The following IPO8 variants were observed in gnomAD, a reference collection of about 807,000 sequenced individuals.
The protein encoded by IPO8 is importin-8.
IPO8 carries 65 observed loss-of-function variants against 141.2 expected under a neutral mutation model. That is an observed-to-expected ratio of 0.46 (90% confidence interval 0.38 to 0.57). The LOEUF (loss-of-function observed/expected upper bound fraction) is 0.57, where lower values mean the gene tolerates loss of function less well. Ranked by LOEUF, IPO8 falls within the 20% of genes least tolerant of loss-of-function variation. The pLI is 0.00. For synonymous variants in IPO8, 411 were observed against 420.3 expected, an observed-to-expected ratio of 0.98 and a Z score of 0.27; for missense variants, 980 against 1,246.8, an observed-to-expected ratio of 0.79 and a Z score of 3.22.
At chr12:30,671,679 A>G (rs1416374125) in intron 8 of IPO8, among the ~76,000 whole-genome samples, 40 of 148,734 alleles carry the variant, frequency 2.7e-4, no homozygotes, top group East Asian at 1.6e-3. Context: ...TGCCTCAAAA[A>G]AAAAAAAAAA....
intron 10 of IPO8, among the ~76,000 whole-genome samples, chr12:30,668,565 G>A (rs1412312938): frequency 6.6e-6 from 1 of 152,226 alleles, no homozygotes; most frequent in Non-Finnish European, 1.5e-5. Context: ...CTTCTAAGTT[G>A]TGGGAGATAG....
intron 14 of IPO8, among the ~76,000 whole-genome samples, chr12:30,662,973 A>G (rs1189760644): frequency 5.3e-5 from 8 of 152,208 alleles, no homozygotes; most frequent in Non-Finnish European, 1.2e-4. Flanking sequence ...AACTACGTTC[A>G]CGTTCTTCAT....
rs1158519857 is a variant in IPO8 at position 30,656,677 on chromosome 12, A to G, written c.1948+7T>C. ...AATTTATCTTTTTATTTAACCTTTGAACTTACCAATTACATGTTTCTGCAG... is the reference window on the plus strand; with the variant it reads ...AATTTATCTTTTTATTTAACCTTTGGACTTACCAATTACATGTTTCTGCAG... On this transcript the variant is annotated splice_region_variant and intron_variant, in intron 17 of 24. Coordinates refer to ENST00000256079, the MANE Select transcript of IPO8 (RefSeq NM_006390.4). 6.6e-7 allele frequency: 1 copy of G among 1,521,316 alleles called. No individual in the cohort carries two copies. Among genetic ancestry groups the G allele is most frequent in the Admixed American group, 1.9e-5 (1 of 53,478 alleles). The allele number at this position is 1,521,316 out of a possible 1,614,324, so 94.2% of individuals were successfully genotyped here.
In IPO8 at chr12:30,672,957, T is replaced by TAA. The variant is rs140703917; in HGVS notation, c.909+1031_909+1032dup. Among the ~76,000 whole-genome samples, 4 of 147,586 alleles carry TAA rather than the reference T, an allele frequency of 2.7e-5. No homozygotes were observed. The East Asian group carries it at 5.9e-4, about 22-fold the overall frequency. ...ATAATGCTGACAATAAAGAGCTATTTAAAAAAAAAAAATCTAGAGCCGGGC... is the reference window on the plus strand; with the variant it reads ...ATAATGCTGACAATAAAGAGCTATTTAAAAAAAAAAAAAATCTAGAGCCGGGC... On this transcript the variant is annotated intron_variant, in intron 8 of 24. Transcript: ENST00000256079.
At chr12:30,631,026 A>G in intron 24 of IPO8, 69 bp from the exon 25 acceptor site, 1 of 1,163,412 alleles carries the variant, frequency 8.6e-7, no homozygotes, top group Non-Finnish European at 1.3e-6. Flanking sequence ...GTTGGAGATG[A>G]CTCAAAGGAG....
intron 1 of IPO8, among the ~76,000 whole-genome samples, chr12:30,692,367 T>C (rs1361304761): frequency 3.3e-5 from 5 of 152,226 alleles, no homozygotes; most frequent in Non-Finnish European, 7.3e-5. Context: ...AGAAACCTTG[T>C]CTTCTTTCAG....
chr12:30,660,523 C>T (rs1434879545), intron 16 of IPO8, among the ~76,000 whole-genome samples: 7 of 152,162 alleles, frequency 4.6e-5, no homozygotes, highest in Admixed American at 4.6e-4. Flanking sequence ...TCTGCTTCTG[C>T]AAAACAGACT....
rs753670161 is a variant in IPO8 at position 30,639,587 on chromosome 12, A to G, written c.2417T>C (p.Leu806Ser). The change falls in exon 21 of 25, where the codon TTG (leucine) becomes TCG (serine). Residue 806 changes from leucine to serine, a missense_variant. Around this residue, in one of 3 missense-constraint regions of IPO8, gnomAD observed 924 missense variants for 1,153.9 expected, o/e 0.80. Transcript: ENST00000256079. Reference protein sequence around the residue: ...LLLHTLERIQLPHNPGPITVQ... With the variant: ...LLLHTLERIQSPHNPGPITVQ... ...AGTGATAGGTCCAGGGTTGTGAGGC[A>G]ACTGAATTCGTTCTAAAGTATGTAG... 2 of 1,614,160 alleles carry G rather than the reference A, an allele frequency of 1.2e-6. No individual in the cohort carries two copies. Among genetic ancestry groups the G allele is most frequent in the Non-Finnish European group, 1.7e-6 (2 of 1,179,992 alleles).
chr12:30,638,426 C>T (rs910636562), intron 21 of IPO8, among the ~76,000 whole-genome samples: 5 of 152,172 alleles, frequency 3.3e-5, no homozygotes, highest in African/African-American at 1.2e-4. Flanking sequence ...CACCCTAATC[C>T]AGGCCTCCAT....
intron 20 of IPO8, among the ~76,000 whole-genome samples, chr12:30,644,331 A>AT (rs2052612354): frequency 6.6e-6 from 1 of 151,506 alleles, no homozygotes; most frequent in African/African-American, 2.4e-5. Flanking sequence ...CGACTGCACC[A>AT]TTGCACTCCA....
intron 20 of IPO8, among the ~76,000 whole-genome samples, chr12:30,647,280 TC>T (rs2052660116): frequency 6.6e-6 from 1 of 151,990 alleles, no homozygotes; most frequent in East Asian, 1.9e-4. Context: ...GCAGACCCCC[TC>T]CTCACATTAT....
intron 5 of IPO8, among the ~76,000 whole-genome samples, chr12:30,678,189 T>A (rs2053147571): frequency 6.6e-6 from 1 of 151,954 alleles, no homozygotes; most frequent in African/African-American, 2.4e-5. Context: ...TAAGCTAGGG[T>A]TAATTTATTA....
intron 20 of IPO8, among the ~76,000 whole-genome samples, chr12:30,647,821 AAATGATCCG>A (rs1392484282): frequency 6.6e-6 from 1 of 152,178 alleles, no homozygotes; most frequent in African/African-American, 2.4e-5. Context: ...ACAAATGAGC[AAATGATCCG>A]ATTAGACATT....
At position 30,671,012 on chromosome 12, in the gene IPO8, G is replaced by A. The variant is rs143833006; in HGVS notation, c.994C>T (p.Gln332Ter). 1 of 1,613,422 alleles carries A rather than the reference G, an allele frequency of 6.2e-7. No homozygotes were observed. The highest frequency in any genetic ancestry group is 8.5e-7 in the Non-Finnish European group (1 of 1,179,532). Residue 332 changes from glutamine to a stop codon, truncating the protein, a stop_gained, in exon 9 of 25, where the codon CAA (glutamine) becomes TAA (stop). Transcript: ENST00000256079. LOFTEE classifies it high-confidence loss of function. ...VLQQAFNYLNQGVVHSITWKQ... is the reference protein window; with the variant it reads ...VLQQAFNYLN ...CAGGTTATAGAATGAACCACCCCTTGGTTGAGATAGTTGAATGCTTGCTGA... is the reference window on the plus strand; with the variant it reads ...CAGGTTATAGAATGAACCACCCCTTAGTTGAGATAGTTGAATGCTTGCTGA...
intron 20 of IPO8, among the ~76,000 whole-genome samples, chr12:30,646,270 T>C (rs1011097577): frequency 2.0e-5 from 3 of 152,134 alleles, no homozygotes; most frequent in Admixed American, 1.3e-4. Flanking sequence ...ATCATCTCAA[T>C]AGATGCAGAA....
At chr12:30,672,388 CT>C (rs922012374) in intron 8 of IPO8, among the ~76,000 whole-genome samples, 5 of 152,062 alleles carry the variant, frequency 3.3e-5, no homozygotes, top group Non-Finnish European at 5.9e-5. Context: ...ATGATTCTTT[CT>C]AATACAGATG....
chr12:30,633,008 G>A (rs753717758), intron 23 of IPO8, among the ~76,000 whole-genome samples: 1 of 152,122 alleles, frequency 6.6e-6, no homozygotes, highest in Admixed American at 6.5e-5. Flanking sequence ...AGACCTAAAA[G>A]CCTCCTTGGT....
Position 30,677,911 on chromosome 12 carries a change from C to T in IPO8, c.640-1324G>A, listed in dbSNP as rs144661889. 4.4e-3 allele frequency among the ~76,000 whole-genome samples: 660 copies of T among 151,684 alleles called. 4 individuals are homozygous for T. Among genetic ancestry groups the T allele is most frequent in the African/African-American group, 0.015 (612 of 41,382 alleles). On this transcript the variant is annotated intron_variant, in intron 5 of 24. Transcript: ENST00000256079. ...CAGCACTTTGGGAGGCCAAGGCAGG[C>T]GGAACATGAGGTCAGGAGTTTGAGA...
chr12:30,638,817 C>A (rs894234504), intron 21 of IPO8, among the ~76,000 whole-genome samples: 1 of 152,140 alleles, frequency 6.6e-6, no homozygotes, highest in Admixed American at 6.5e-5. Context: ...CAGGTGCCCA[C>A]CACCACGCCC....
Sources: gnomAD v4.1 joint callset for allele counts (sites outside exome capture counted in the v4.1 genomes callset) on GRCh38, gnomAD v4.1.1 for gene constraint, gnomAD v4.1.1 regional missense constraint, MANE v1.5 for transcripts, NCBI Gene and HGNC (gene_info 2026-07-23, HGNC 2026-07-21) for gene names.